FAM107B: variants seen among roughly 807,000 people sequenced by gnomAD.
FAM107B encodes the protein family with sequence similarity 107 member B.
In FAM107B, 21 loss-of-function variants were observed where a neutral mutation model predicts 31.5. The ratio of observed to expected loss-of-function variants is 0.67; its 90% CI spans 0.47 to 0.96. FAM107B has a LOEUF of 0.96. FAM107B is among the 40% of genes least tolerant of loss of function. The pLI, the probability that FAM107B is intolerant of heterozygous loss-of-function variation, is 0.00. For missense variants in FAM107B, 452 were observed against 377.1 expected (o/e 1.20, Z -1.64); for synonymous variants, 157 against 141.5 (o/e 1.11, Z -0.78).
At chr10:14,574,041 A>T (rs1851387875) in intron 2 of FAM107B, among the ~76,000 whole-genome samples, 1 of 152,214 alleles carries the variant, frequency 6.6e-6, no homozygotes, top group Non-Finnish European at 1.5e-5. Context: ...CAGGGTAGAC[A>T]CTTAAGGGTT....
At chr10:14,769,897 T>C (rs748163355) in intron 1 of FAM107B, among the ~76,000 whole-genome samples, 8 of 152,180 alleles carry the variant, frequency 5.3e-5, no homozygotes, top group Non-Finnish European at 1.2e-4. Context: ...CGTACATCAC[T>C]GGGAGAGAGA....
rs3035276 is a variant in FAM107B at position 14,611,484 on chromosome 10, TTATATATATATATATATATATATATA to T, written c.469+56124_469+56149del. 3.7e-4 allele frequency among the ~76,000 whole-genome samples: 46 copies of T among 124,692 alleles called. 1 individual carries two copies. Among genetic ancestry groups the T allele is most frequent in the Middle Eastern group, 3.9e-3 (1 of 254 alleles). The allele number at this position is 124,692 out of a possible 152,430, so 81.8% of individuals were successfully genotyped here. Reference sequence around the variant, plus strand: ...ATTAATAACTAGTTGAATGCCAGTTTTATATATATATATATATATATATATATATATATATATATATATATTCACCT... The same window carrying T: ...ATTAATAACTAGTTGAATGCCAGTTTTATATATATATATATATATTCACCT... On this transcript the variant is annotated intron_variant, in intron 2 of 4. Transcript: ENST00000181796.
rs1468414352 is a variant in FAM107B at position 14,596,384 on chromosome 10, C to T, written c.470-65869G>A. Among the ~76,000 whole-genome samples, 5 of 152,272 alleles carry T rather than the reference C, an allele frequency of 3.3e-5. No homozygotes were observed. The South Asian group carries it at 1.0e-3, about 32-fold the overall frequency. On this transcript the variant is annotated intron_variant, in intron 2 of 4. Coordinates refer to ENST00000181796, the MANE Select transcript of FAM107B (RefSeq NM_031453.4). Reference sequence around the variant, plus strand: ...CCATGCAGGCAGGGAGTCTGTCTGTCCCAGCCACCATGCTAGCCCGTGATC... The same window carrying T: ...CCATGCAGGCAGGGAGTCTGTCTGTTCCAGCCACCATGCTAGCCCGTGATC...
chr10:14,543,658 G>C, intron 2 of FAM107B, among the ~76,000 whole-genome samples: 1 of 141,270 alleles, frequency 7.1e-6, no homozygotes, highest in Non-Finnish European at 1.5e-5. Flanking sequence ...AGCCAATTCT[G>C]TTCCAAGGTT....
At chr10:14,715,977 C>T (rs1855770361) in intron 1 of FAM107B, among the ~76,000 whole-genome samples, 1 of 152,142 alleles carries the variant, frequency 6.6e-6, no homozygotes, top group Non-Finnish European at 1.5e-5. Flanking sequence ...ATAAATCCCT[C>T]CTTATAAATC....
intron 1 of FAM107B, among the ~76,000 whole-genome samples, chr10:14,771,339 T>C (rs150810723): frequency 4.9e-4 from 75 of 152,344 alleles, no homozygotes; most frequent in African/African-American, 1.7e-3. Flanking sequence ...ATAATAGTTA[T>C]TGAATATCAT....
intron 1 of FAM107B, among the ~76,000 whole-genome samples, chr10:14,685,149 T>TA (rs1854950862): frequency 7.0e-6 from 1 of 142,538 alleles, no homozygotes; most frequent in African/African-American, 2.6e-5. Flanking sequence ...TTTATTTTTT[T>TA]TTTTTTTTTT....
chr10:14,629,357 T>C (rs1212506727), intron 2 of FAM107B, among the ~76,000 whole-genome samples: 4 of 74,504 alleles, frequency 5.4e-5, no homozygotes, highest in African/African-American at 1.0e-4. Context: ...ATATATATAA[T>C]ATATATTATA....
rs148224858 is a variant in FAM107B, at chr10:14,749,057, C to A, written c.411+25196G>T. 2.0e-5 allele frequency among the ~76,000 whole-genome samples: 3 copies of A among 152,182 alleles called. 1 individual carries two copies. The South Asian group carries it at 6.2e-4, about 32-fold the overall frequency. On this transcript the variant is annotated intron_variant, in intron 1 of 4. Transcript: ENST00000181796. Reference sequence around the variant, plus strand: ...TAAGAAAAAGAGCCAGAATGCTTCTCGTAGAGCCCAAGCCTCTGTGTTCTC... The same window carrying A: ...TAAGAAAAAGAGCCAGAATGCTTCTAGTAGAGCCCAAGCCTCTGTGTTCTC...
At chr10:14,585,692 CAA>C (rs1237640836) in intron 2 of FAM107B, among the ~76,000 whole-genome samples, 1 of 152,208 alleles carries the variant, frequency 6.6e-6, no homozygotes, top group African/African-American at 2.4e-5. Context: ...AACAAGTACA[CAA>C]AGAGAGGCAG....
rs571838992 is a variant in FAM107B, at chr10:14,734,572, T to C, written c.411+39681A>G. Among the ~76,000 whole-genome samples the C allele has an allele frequency of 1.5e-3, 227 of 151,692 alleles. 1 individual carries two copies. The highest frequency in any genetic ancestry group is 2.9e-3 in the Non-Finnish European group (197 of 67,970). On this transcript the variant is annotated intron_variant, in intron 1 of 4. Coordinates refer to ENST00000181796, the MANE Select transcript of FAM107B (RefSeq NM_031453.4). ...CCCAAGATAATTCCTTTTCTTCTAA[T>C]GTGGCCCGGGGAAGCCAAAAGATTG...
intron 1 of FAM107B, among the ~76,000 whole-genome samples, chr10:14,678,524 G>A (rs1172423926): frequency 6.6e-6 from 1 of 152,150 alleles, no homozygotes; most frequent in African/African-American, 2.4e-5. Context: ...GGGACCTCCA[G>A]AAACTCATCA....
chr10:14,572,457 A>C (rs531243907), intron 2 of FAM107B: 1 of 963,194 alleles, frequency 1.0e-6, no homozygotes, highest in Non-Finnish European at 1.2e-6. Flanking sequence ...CACCTACAGC[A>C]TGGAGGCCTG....
At chr10:14,770,479 C>T (rs1473325949) in intron 1 of FAM107B, among the ~76,000 whole-genome samples, 1 of 152,028 alleles carries the variant, frequency 6.6e-6, no homozygotes, top group African/African-American at 2.4e-5. Context: ...GCCGAGATCG[C>T]ACCACTACAC....
chr10:14,638,897 T>G (rs1853564830), intron 2 of FAM107B, among the ~76,000 whole-genome samples: 1 of 152,140 alleles, frequency 6.6e-6, no homozygotes, highest in South Asian at 2.1e-4. Context: ...CTATCAACAT[T>G]TCACCTACTT....
chr10:14,624,235 C>T (rs10906718), intron 2 of FAM107B, among the ~76,000 whole-genome samples: 62,092 of 151,644 alleles, frequency 0.41, 13,171 homozygotes, highest in East Asian at 0.69. Context: ...TGAATAAAAC[C>T]ATGAAAGCCA....
chr10:14,732,819 TATA>T (rs1432496573), intron 1 of FAM107B, among the ~76,000 whole-genome samples: 4 of 147,174 alleles, frequency 2.7e-5, no homozygotes, highest in Non-Finnish European at 4.5e-5. Context: ...TTATATGTAT[TATA>T]ATATTATAAT....
intron 1 of FAM107B, among the ~76,000 whole-genome samples, chr10:14,742,437 AGAT>A (rs1832636088): frequency 6.6e-6 from 1 of 152,182 alleles, no homozygotes; most frequent in African/African-American, 2.4e-5. Context: ...TTTTGATGTC[AGAT>A]GATGCTAACA....
rs1845473912 is a variant in FAM107B, at chr10:14,519,935, CGGCCCCCTCTCTGA to C, written c.*1241_*1254del. 1 of 152,626 alleles carries C rather than the reference CGGCCCCCTCTCTGA, an allele frequency of 6.6e-6. No homozygotes were observed. Among genetic ancestry groups the C allele is most frequent in the South Asian group, 2.1e-4 (1 of 4,834 alleles). 9.5% of individuals were successfully genotyped at this position (152,626 alleles called of 1,614,324 possible). A position where few individuals can be genotyped will look rare whatever the true frequency, so the allele number is the denominator to read the frequency against. On this transcript the variant is annotated 3_prime_UTR_variant, in exon 5 of 5. Transcript: ENST00000181796. ...GAGAATGCGGCTGCTGTCTGTAACTCGGCCCCCTCTCTGAGGAGCGTGCTGCTAGCTAGAACAAG... is the reference window on the plus strand; with the variant it reads ...GAGAATGCGGCTGCTGTCTGTAACTCGGAGCGTGCTGCTAGCTAGAACAAG...
Sources: allele counts gnomAD v4.1 joint callset (sites outside exome capture counted in the v4.1 genomes callset), GRCh38; gene constraint gnomAD v4.1.1; transcripts MANE v1.5; gene names NCBI Gene and HGNC (gene_info 2026-07-23, HGNC 2026-07-21).